The following DENND1A variants were observed in gnomAD, a reference collection of about 807,000 sequenced individuals.
DENND1A encodes DENN domain-containing protein 1A.
In DENND1A, 51 loss-of-function variants were observed where a neutral mutation model predicts 113.7. The ratio of observed to expected loss-of-function variants is 0.45; its 90% CI spans 0.36 to 0.57. The LOEUF is 0.57. DENND1A is among the 20% of genes least tolerant of loss of function. DENND1A has a pLI of 0.00. For missense variants in DENND1A, 1,258 were observed against 1,395.9 expected (o/e 0.90, Z 1.57); for synonymous variants, 565 against 570.8 (o/e 0.99, Z 0.14).
At chr9:123,814,028 CT>C (rs1837065577) in intron 2 of DENND1A, among the ~76,000 whole-genome samples, 1 of 152,120 alleles carries the variant, frequency 6.6e-6, no homozygotes. Flanking sequence ...GATATAAATC[CT>C]GTATAACTAC....
chr9:123,393,075 G>A (rs778607939), intron 21 of DENND1A, among the ~76,000 whole-genome samples: 5 of 152,140 alleles, frequency 3.3e-5, no homozygotes, highest in African/African-American at 9.7e-5. Flanking sequence ...TGGGCCTTTG[G>A]GCTGGTTCCA....
intron 13 of DENND1A, among the ~76,000 whole-genome samples, chr9:123,546,276 A>C (rs57653876): frequency 5.6e-4 from 85 of 151,516 alleles, no homozygotes; most frequent in East Asian, 1.7e-3. Context: ...TGGCCGGGCG[A>C]GGTGGCTCAC....
At chr9:123,647,060 C>G (rs1342842387) in intron 9 of DENND1A, among the ~76,000 whole-genome samples, 1 of 152,210 alleles carries the variant, frequency 6.6e-6, no homozygotes, top group Admixed American at 6.5e-5. Flanking sequence ...TGCCAAATCT[C>G]AGGCAATGTT....
chr9:123,471,182 T>G (rs2049386828), intron 13 of DENND1A, among the ~76,000 whole-genome samples: 1 of 152,202 alleles, frequency 6.6e-6, no homozygotes, highest in African/African-American at 2.4e-5. Context: ...GCACAGTGCA[T>G]GATGGGAGAG....
At position 123,470,439 on chromosome 9, in the gene DENND1A, C is replaced by T. The variant is rs2049314225; in HGVS notation, c.994-12542G>A. Among the ~76,000 whole-genome samples the T allele has an allele frequency of 2.0e-5, 3 of 151,864 alleles. No homozygotes were observed. In the South Asian group the frequency reaches 6.2e-4, roughly 32 times the overall value. ...ACAATGACACTTGCATCCAAAGTCC[C>T]AAGAAAGGAAGCGCCAAGCTGATTA... On this transcript the variant is annotated intron_variant, in intron 13 of 23. Coordinates refer to ENST00000394215, the MANE Select transcript of DENND1A (RefSeq NM_001352964.2).
intron 3 of DENND1A, among the ~76,000 whole-genome samples, chr9:123,778,498 T>C (rs2131788638): frequency 6.6e-6 from 1 of 152,362 alleles, no homozygotes; most frequent in East Asian, 1.9e-4. Flanking sequence ...AGTCATCAGT[T>C]TGAGCTTATC....
chr9:123,536,502 C>T (rs1055979493), intron 13 of DENND1A, among the ~76,000 whole-genome samples: 10 of 151,302 alleles, frequency 6.6e-5, no homozygotes, highest in Non-Finnish European at 1.0e-4. Flanking sequence ...AAGCTGTCAG[C>T]GACTTGCAGA....
rs142803539 is a variant in DENND1A at position 123,683,557 on chromosome 9, T to C, written c.303-6768A>G. On this transcript the variant is annotated intron_variant, in intron 5 of 23. Transcript: ENST00000394215. ...GAGGTAAATTTATACTTTTTTATAC[T>C]TTTTCTAGATAAAATCCTAACCTTT... 1.1e-4 allele frequency among the ~76,000 whole-genome samples: 16 copies of C among 152,308 alleles called. No homozygotes were observed. In the East Asian group the frequency reaches 3.1e-3, roughly 29 times the overall value.
chr9:123,751,446 A>C (rs932994455), intron 5 of DENND1A: 1 of 152,180 alleles, frequency 6.6e-6, no homozygotes, highest in African/African-American at 2.4e-5. Context: ...ATCCAGTCTA[A>C]ATCTGGGTGC....
rs1843331550 is a variant in DENND1A, at chr9:123,851,352, T to C, written c.88+27599A>G. On this transcript the variant is annotated intron_variant, in intron 2 of 23. Transcript: ENST00000394215. ...TGAGATCCATCCATGTTGTTGAATA[T>C]AGCAATACCTTGTTCCTTTTTATTA... Among the ~76,000 whole-genome samples, 5 of 152,246 alleles carry C rather than the reference T, an allele frequency of 3.3e-5. No individual in the cohort carries two copies. The South Asian group carries it at 1.0e-3, about 32-fold the overall frequency.
At chr9:123,427,818 G>A (rs1287943443) in intron 19 of DENND1A, among the ~76,000 whole-genome samples, 4 of 152,126 alleles carry the variant, frequency 2.6e-5, no homozygotes, top group South Asian at 4.2e-4. Flanking sequence ...AATTGGTTCC[G>A]ATGGGCATAT....
At chr9:123,750,785 C>T (rs976019097) in intron 5 of DENND1A, among the ~76,000 whole-genome samples, 4 of 152,344 alleles carry the variant, frequency 2.6e-5, no homozygotes, top group South Asian at 4.1e-4. Flanking sequence ...TGATTTCTCC[C>T]AGAGGGGCCC....
At chr9:123,801,009 C>T (rs1418328878) in intron 2 of DENND1A, among the ~76,000 whole-genome samples, 2 of 152,136 alleles carry the variant, frequency 1.3e-5, no homozygotes, top group Non-Finnish European at 2.9e-5. Context: ...GCAGGGGAAG[C>T]ACATGCCCAT....
intron 3 of DENND1A, among the ~76,000 whole-genome samples, chr9:123,781,930 C>T (rs920197752): frequency 2.6e-5 from 4 of 151,936 alleles, no homozygotes; most frequent in African/African-American, 4.8e-5. Flanking sequence ...ATTAGCCAGG[C>T]GTGGTGACAC....
At chr9:123,642,293 C>T (rs2062071687) in intron 9 of DENND1A, among the ~76,000 whole-genome samples, 1 of 152,248 alleles carries the variant, frequency 6.6e-6, no homozygotes, top group South Asian at 2.1e-4. Flanking sequence ...TTCTCTCCTA[C>T]TTTCTGTCCA....
chr9:123,403,708 G>T (rs2043697338), intron 20 of DENND1A: 1 of 560,254 alleles, frequency 1.8e-6, no homozygotes, highest in Non-Finnish European at 3.2e-6. Context: ...AAATCAGAAG[G>T]GTGCTCCTGG....
chr9:123,709,387 A>G (rs1589757561), intron 5 of DENND1A, among the ~76,000 whole-genome samples: 1 of 151,912 alleles, frequency 6.6e-6, no homozygotes, highest in Non-Finnish European at 1.5e-5. Flanking sequence ...ACTGGGATCA[A>G]CTCTGCTCTA....
At chr9:123,624,827 C>T (rs1291047407) in intron 10 of DENND1A, among the ~76,000 whole-genome samples, 1 of 152,136 alleles carries the variant, frequency 6.6e-6, no homozygotes, top group African/African-American at 2.4e-5. Flanking sequence ...CTTGGATCAG[C>T]TTTCACAGGA....
At chr9:123,890,581 A>G (rs1849758947) in intron 1 of DENND1A, among the ~76,000 whole-genome samples, 1 of 152,202 alleles carries the variant, frequency 6.6e-6, no homozygotes, top group South Asian at 2.1e-4. Flanking sequence ...ATATGTACTA[A>G]ACACTTAAAT....
Sources: allele counts gnomAD v4.1 joint callset (sites outside exome capture counted in the v4.1 genomes callset), GRCh38; gene constraint gnomAD v4.1.1; transcripts MANE v1.5; gene names NCBI Gene and HGNC (gene_info 2026-07-23, HGNC 2026-07-21).